The following ADD2 variants were observed in gnomAD, a reference collection of about 807,000 sequenced individuals.
ADD2 encodes beta-adducin.
ADD2 carries 23 observed loss-of-function variants against 83.0 expected under a neutral mutation model. The observed-to-expected ratio is 0.28, with a 90% CI of 0.20 to 0.39. The LOEUF is 0.39. Among genes scored for constraint, ADD2 ranks in the 10% least tolerant of loss-of-function variants. ADD2 has a pLI of 1.00. For missense variants in ADD2, 758 were observed against 944.9 expected, an observed-to-expected ratio of 0.80 and a Z score of 2.59; for synonymous variants, 375 against 375.4, an observed-to-expected ratio of 1.00 and a Z score of 0.01.
intron 1 of ADD2, among the ~76,000 whole-genome samples, chr2:70,751,294 T>C (rs1291642917): frequency 6.6e-6 from 1 of 152,166 alleles, no homozygotes; most frequent in Admixed American, 6.5e-5. Context: ...CTGGTTGGGA[T>C]GAGGTCGGAG....
chr2:70,707,048 CA>C (rs782781469), intron 2 of ADD2, among the ~76,000 whole-genome samples: 11 of 152,274 alleles, frequency 7.2e-5, no homozygotes, highest in Non-Finnish European at 1.5e-4. Context: ...TACTATTAAA[CA>C]GGGCCTACTA....
At chr2:70,680,813 T>C (rs1670417325) in intron 10 of ADD2, among the ~76,000 whole-genome samples, 1 of 152,182 alleles carries the variant, frequency 6.6e-6, no homozygotes, top group African/African-American at 2.4e-5. Context: ...TACTGATTTT[T>C]GTATATATTT....
chr2:70,673,884 G>T (rs1670013327), intron 14 of ADD2, among the ~76,000 whole-genome samples: 1 of 151,476 alleles, frequency 6.6e-6, no homozygotes, highest in Admixed American at 6.6e-5. Flanking sequence ...GGCCATTCCT[G>T]GCCAGCAAGG....
At chr2:70,759,335 TA>T (rs1674962799) in intron 1 of ADD2, among the ~76,000 whole-genome samples, 1 of 152,196 alleles carries the variant, frequency 6.6e-6, no homozygotes, top group Admixed American at 6.5e-5. Flanking sequence ...TTTGTATCTT[TA>T]TTTTTAGCTG....
In ADD2 at chr2:70,744,729, T is replaced by C. The variant is rs569740026; in HGVS notation, c.-154+23157A>G. Among the ~76,000 whole-genome samples the C allele has an allele frequency of 7.9e-5, 12 of 152,230 alleles. No individual in the cohort carries two copies. In the South Asian group the frequency reaches 1.7e-3, roughly 21 times the overall value. On this transcript the variant is annotated intron_variant, in intron 1 of 15. Coordinates refer to ENST00000264436, the MANE Select transcript of ADD2 (RefSeq NM_001617.4). ...AGGATAGCAAGGTCCCATTTTCATA[T>C]TGAATGCTCACACTGAAAAATAGAA... is the stretch of plus-strand genomic sequence containing the variant.
At position 70,704,350 on chromosome 2, in the gene ADD2, G is replaced by A. The variant is rs4987; in HGVS notation, c.293C>T (p.Ser98Phe). ...GGAAGATGTCGGGAAGACTGCGTGG[G>A]AGGTGCTGGCCATGAAGTCCGCGAT... ...RQIADFMAST[S>F]HAVFPTSSMN... is the part of the protein sequence containing the mutation. The change falls in exon 4 of 16, where the codon TCC becomes TTC. Residue 98 changes from serine to phenylalanine, a missense_variant. Physicochemically the swap from Ser to Phe is radical, Grantham distance 155. This residue lies in a region of ADD2 where 175 missense variants were observed against 192.1 expected (regional missense o/e 0.91). Transcript: ENST00000264436. 4 of 1,613,606 alleles carry A rather than the reference G, an allele frequency of 2.5e-6. No homozygotes were observed. Among genetic ancestry groups the A allele is most frequent in the Admixed American group, 1.7e-5 (1 of 59,984 alleles).
intron 12 of ADD2, 110 bp downstream of exon 12, chr2:70,677,648 T>C (rs1370326267): frequency 1.4e-6 from 2 of 1,379,596 alleles, no homozygotes; most frequent in African/African-American, 1.4e-5. Context: ...CTGTGAGGCA[T>C]GTGAGATGTC....
At chr2:70,712,693 A>G (rs1672257587) in intron 2 of ADD2, among the ~76,000 whole-genome samples, 1 of 152,168 alleles carries the variant, frequency 6.6e-6, no homozygotes, top group Admixed American at 6.5e-5. Context: ...TGGTTGTTAC[A>G]TACAGGCAGA....
intron 4 of ADD2, among the ~76,000 whole-genome samples, chr2:70,700,691 G>A (rs1671544054): frequency 6.6e-6 from 1 of 152,028 alleles, no homozygotes; most frequent in South Asian, 2.1e-4. Flanking sequence ...CAAATATCTA[G>A]ATTGGTCAAT....
intron 1 of ADD2, among the ~76,000 whole-genome samples, chr2:70,763,869 C>G (rs1675243263): frequency 6.6e-6 from 1 of 151,540 alleles, no homozygotes; most frequent in Non-Finnish European, 1.5e-5. Flanking sequence ...ACCATCAGAA[C>G]AAATTACCCA....
rs541468819 is a variant in ADD2, at chr2:70,661,949, G to A, written c.*1476C>T. The A allele has an allele frequency of 4.3e-4, 66 of 152,250 alleles. No individual in the cohort carries two copies. Among genetic ancestry groups the A allele is most frequent in the African/African-American group, 1.5e-3 (61 of 41,550 alleles). 9.4% of individuals were successfully genotyped at this position (152,250 alleles called of 1,614,324 possible). On this transcript the variant is annotated 3_prime_UTR_variant, in exon 16 of 16. Transcript: ENST00000264436. ...GGTCAATTTCCTCACCCACAAAATG[G>A]GAATGATCTTACCCCCCTCAAAGGA...
intron 10 of ADD2, among the ~76,000 whole-genome samples, chr2:70,680,853 C>T (rs1384857379): frequency 2.0e-5 from 3 of 152,152 alleles, no homozygotes; most frequent in Non-Finnish European, 4.4e-5. Flanking sequence ...ACTGAAATCA[C>T]CTTTGCAAAA....
chr2:70,679,056 A>C (rs554773813), intron 10 of ADD2, 95 bp from the exon 11 acceptor site: 5 of 1,420,970 alleles, frequency 3.5e-6, no homozygotes, highest in Non-Finnish European at 3.8e-6. Context: ...GTCTGCTTAA[A>C]GGACTCTTCA....
intron 1 of ADD2, among the ~76,000 whole-genome samples, chr2:70,761,131 T>G (rs985615307): frequency 8.5e-5 from 13 of 152,128 alleles, no homozygotes; most frequent in Admixed American, 2.0e-4. Flanking sequence ...GACTGAGTAT[T>G]GTAACCTATG....
In ADD2 at chr2:70,661,067, T is replaced by C. The variant is rs372473701; in HGVS notation, c.*2358A>G. 10 of 152,280 alleles carry C rather than the reference T, an allele frequency of 6.6e-5. No homozygotes were observed. The South Asian group carries it at 2.1e-3, about 32-fold the overall frequency. 9.4% of individuals were successfully genotyped at this position (152,280 alleles called of 1,614,324 possible). ...ATAGAAAGTGGGCCCATGGCATAAA[T>C]TCCCAGAATAATGCTGCAGCAAGAC... On this transcript the variant is annotated 3_prime_UTR_variant, in exon 16 of 16. Coordinates refer to ENST00000264436, the MANE Select transcript of ADD2 (RefSeq NM_001617.4).
At chr2:70,675,188 G>A in intron 13 of ADD2, 1 of 1,018,990 alleles carries the variant, frequency 9.8e-7, no homozygotes, top group African/African-American at 1.7e-5. Context: ...GTCAGCCAAA[G>A]CCCAGCAAGC....
intron 15 of ADD2, among the ~76,000 whole-genome samples, chr2:70,664,824 AGATT>A (rs1675702982): frequency 6.6e-6 from 1 of 151,160 alleles, no homozygotes; most frequent in Non-Finnish European, 1.5e-5. Flanking sequence ...TATGCAAGTG[AGATT>A]GTTTGCCATG....
At chr2:70,693,519 C>G (rs1343265281) in intron 6 of ADD2, among the ~76,000 whole-genome samples, 1 of 152,284 alleles carries the variant, frequency 6.6e-6, no homozygotes, top group East Asian at 1.9e-4. Flanking sequence ...GGGAGACAGA[C>G]TCTAATGTGG....
At position 70,676,620 on chromosome 2, in the gene ADD2, G is replaced by C; in HGVS notation, c.1593+176C>G. ...GGGGCCATCAGACATTGTCCTCCCT[G>C]GTCCTCACAGCACCCCTGTGAGGTT... is the stretch of plus-strand genomic sequence containing the variant. On this transcript the variant is annotated intron_variant, in intron 13 of 15. Transcript: ENST00000264436. The surrounding 1 kb of genome is among the most constrained non-coding windows in gnomAD (Gnocchi z 4.8). The C allele has an allele frequency of 6.9e-7, 1 of 1,455,036 alleles. No individual in the cohort carries two copies. 90.1% of individuals were successfully genotyped at this position (1,455,036 alleles called of 1,614,324 possible).
Sources: gnomAD v4.1 joint callset for allele counts (sites outside exome capture counted in the v4.1 genomes callset) on GRCh38, gnomAD v4.1.1 for gene constraint, gnomAD v4.1.1 regional missense constraint, Gnocchi (gnomAD v3.1) non-coding constraint, MANE v1.5 for transcripts, NCBI Gene and HGNC (gene_info 2026-07-23, HGNC 2026-07-21) for gene names.